The following YAE1 variants were observed in gnomAD, a reference collection of about 807,000 sequenced individuals.
YAE1 encodes the protein YAE1 maturation factor of ABCE1.
Under a neutral mutation model 23.0 loss-of-function variants are expected in YAE1, and 22 were observed. That is an observed-to-expected ratio of 0.96 (90% CI 0.68 to 1.37). The LOEUF is 1.37. Ranked by LOEUF, YAE1 falls within the 40% of genes most tolerant of loss-of-function variation. YAE1 has a pLI of 0.00. For synonymous variants in YAE1, 101 were observed against 97.0 expected (o/e 1.04, Z -0.24); for missense variants, 260 against 262.1 (o/e 0.99, Z 0.06).
At chr7:39,585,808 T>TA (rs1455690822) in intron 2 of YAE1, among the ~76,000 whole-genome samples, 1 of 152,152 alleles carries the variant, frequency 6.6e-6, no homozygotes, top group African/African-American at 2.4e-5. Context: ...TCTTTTCACT[T>TA]AAAAAATATA....
At chr7:39,569,019 T>C (rs1790522630) in intron 1 of YAE1, among the ~76,000 whole-genome samples, 1 of 152,280 alleles carries the variant, frequency 6.6e-6, no homozygotes, top group South Asian at 2.1e-4. Flanking sequence ...TTATATCAAA[T>C]GAGAAATATT....
At chr7:39,574,909 A>G (rs1790631143), downstream of YAE1, among the ~76,000 whole-genome samples, 1 of 152,150 alleles carries the variant, frequency 6.6e-6, no homozygotes, top group Non-Finnish European at 1.5e-5. Flanking sequence ...TGTCTCTAAA[A>G]ACATGAAATA....
downstream of YAE1, among the ~76,000 whole-genome samples, chr7:39,575,577 A>AGTGAGTGAGTGAGTGT (rs1790644942): frequency 3.7e-5 from 3 of 80,204 alleles, no homozygotes; most frequent in African/African-American, 2.5e-4. Flanking sequence ...AGAGAGAGAG[A>AGTGAGTGAGTGAGTGT]GTGAGTGTGT....
At chr7:39,588,834 T>C (rs879713819) in intron 2 of YAE1, among the ~76,000 whole-genome samples, 1 of 152,006 alleles carries the variant, frequency 6.6e-6, no homozygotes, top group African/African-American at 2.4e-5. Flanking sequence ...TTTTTTTTCT[T>C]TTTTTTGGAG....
chr7:39,607,118 C>T (rs1439000125), intron 2 of YAE1, among the ~76,000 whole-genome samples: 1 of 152,182 alleles, frequency 6.6e-6, no homozygotes, highest in Non-Finnish European at 1.5e-5. Context: ...TTGTCTTCTT[C>T]ATCTCCAAAT....
chr7:39,608,533 G>A (rs772128095), intron 2 of YAE1, among the ~76,000 whole-genome samples: 19 of 152,188 alleles, frequency 1.2e-4, no homozygotes, highest in Non-Finnish European at 2.6e-4. Context: ...AGATCTCTCA[G>A]GAGATCTGCT....
chr7:39,569,399 C>A (rs1790529758), intron 1 of YAE1: 3 of 445,594 alleles, frequency 6.7e-6, no homozygotes, highest in Non-Finnish European at 1.3e-5. Context: ...AGTGATGGAC[C>A]CAGAGAGTGT....
At chr7:39,568,712 TAATA>T (rs1790514979) in intron 1 of YAE1, among the ~76,000 whole-genome samples, 2 of 152,156 alleles carry the variant, frequency 1.3e-5, no homozygotes, top group African/African-American at 2.4e-5. Context: ...ATGTAACCCG[TAATA>T]AATAAGAAAA....
intron 2 of YAE1, among the ~76,000 whole-genome samples, chr7:39,602,804 C>T (rs1791071892): frequency 6.6e-6 from 1 of 151,680 alleles, no homozygotes; most frequent in Non-Finnish European, 1.5e-5. Context: ...GCTGGAGTGC[C>T]GTGGCACAAT....
chr7:39,574,633 T>A (rs960959898), downstream of YAE1, among the ~76,000 whole-genome samples: 1 of 149,654 alleles, frequency 6.7e-6, no homozygotes, highest in African/African-American at 2.5e-5. Context: ...CTGGGGAGGC[T>A]GAGGCACAAG....
Position 39,570,503 on chromosome 7 carries a change from T to C in YAE1, c.130-3T>C. 2 of 1,608,158 alleles carry C rather than the reference T, an allele frequency of 1.2e-6. No individual in the cohort carries two copies. Among genetic ancestry groups the C allele is most frequent in the Non-Finnish European group, 1.7e-6 (2 of 1,178,866 alleles). The stretch of plus-strand genomic sequence containing the variant: ...GCTGCACTTCTCCATTACTTATTTT[T>C]AGGAAGGTTATAGAGATGGAATAGA... On this transcript the variant is annotated splice_region_variant and splice_polypyrimidine_tract_variant and intron_variant, in intron 1 of 2. Transcript: ENST00000223273.
At chr7:39,577,194 C>A (rs1790667467), downstream of YAE1, among the ~76,000 whole-genome samples, 1 of 152,278 alleles carries the variant, frequency 6.6e-6, no homozygotes, top group Admixed American at 6.5e-5. Context: ...CCACACCTGC[C>A]TTATGTTTGC....
chr7:39,591,126 G>C (rs994255456), intron 2 of YAE1, among the ~76,000 whole-genome samples: 1 of 152,078 alleles, frequency 6.6e-6, no homozygotes, highest in Non-Finnish European at 1.5e-5. Context: ...CATGTGTTGG[G>C]GTGTCTCTTT....
At chr7:39,608,643 A>G (rs1486303127) in intron 2 of YAE1, among the ~76,000 whole-genome samples, 3 of 152,210 alleles carry the variant, frequency 2.0e-5, no homozygotes. Context: ...AGCTAATTCT[A>G]TTCAACATAC....
Position 39,572,659 on chromosome 7 carries a change from C to T in YAE1, c.634C>T (p.Gln212Ter), listed in dbSNP as rs942176727. ...ILEQTASLVK[Q>*]LGLSVDVLQH... Reference sequence around the variant, plus strand: ...GGAACAGACAGCCAGTTTAGTTAAACAGCTGGGCCTATCAGTAGATGTATT... The same window carrying T: ...GGAACAGACAGCCAGTTTAGTTAAATAGCTGGGCCTATCAGTAGATGTATT... The change falls in exon 3 of 3, where the codon CAG (glutamine) becomes TAG (stop). Residue 212 changes from glutamine to a stop codon, truncating the protein, a stop_gained. Coordinates refer to ENST00000223273, the MANE Select transcript of YAE1 (RefSeq NM_020192.5). LOFTEE classifies it high-confidence loss of function. The T allele has an allele frequency of 1.4e-5, 22 of 1,611,212 alleles. No individual in the cohort carries two copies. Among genetic ancestry groups the T allele is most frequent in the Non-Finnish European group, 1.9e-5 (22 of 1,179,164 alleles).
chr7:39,592,697 G>A (rs1790918026), intron 2 of YAE1, among the ~76,000 whole-genome samples: 2 of 151,246 alleles, frequency 1.3e-5, no homozygotes, highest in African/African-American at 2.5e-5. Context: ...ATTACCTTGT[G>A]GCTTCTAGTA....
chr7:39,599,865 A>G (rs549735241), intron 2 of YAE1, among the ~76,000 whole-genome samples: 1 of 152,292 alleles, frequency 6.6e-6, no homozygotes. Context: ...CTGGGATTAC[A>G]GGCGTCAGCC....
intron 2 of YAE1, among the ~76,000 whole-genome samples, chr7:39,593,177 CTTTT>C (rs56303591): frequency 1.1e-4 from 8 of 72,112 alleles, no homozygotes; most frequent in South Asian, 6.9e-4. Flanking sequence ...TTGGTTATTT[CTTTT>C]TTTTTTTTTT....
At chr7:39,595,383 C>T (rs1261679489) in intron 2 of YAE1, among the ~76,000 whole-genome samples, 1 of 151,924 alleles carries the variant, frequency 6.6e-6, no homozygotes, top group Non-Finnish European at 1.5e-5. Context: ...CATCCAGTGT[C>T]ATAATCTGAA....
Sources: allele counts gnomAD v4.1 joint callset (sites outside exome capture counted in the v4.1 genomes callset), GRCh38; gene constraint gnomAD v4.1.1; transcripts MANE v1.5; gene names NCBI Gene and HGNC (gene_info 2026-07-23, HGNC 2026-07-21).